The following FAR2 variants were observed in gnomAD, a reference collection of about 807,000 sequenced individuals.
FAR2 encodes the protein fatty acyl-CoA reductase 2.
In FAR2, 19 loss-of-function variants were observed where a neutral mutation model predicts 56.0. That is an observed-to-expected ratio of 0.34 (90% CI 0.24 to 0.50). FAR2 has a LOEUF of 0.50. Among genes scored for constraint, FAR2 ranks in the 20% least tolerant of loss-of-function variants. FAR2 has a pLI of 0.98. For synonymous variants in FAR2, 219 were observed against 218.8 expected, an observed-to-expected ratio of 1.00 and a Z score of -0.01; for missense variants, 508 against 642.2, an observed-to-expected ratio of 0.79 and a Z score of 2.26.
intron 1 of FAR2, among the ~76,000 whole-genome samples, chr12:29,172,359 T>G (rs551694406): frequency 6.6e-6 from 1 of 152,332 alleles, no homozygotes; most frequent in Non-Finnish European, 1.5e-5. Flanking sequence ...ATTTTCGACA[T>G]TAAAGTTTAC....
rs1371624458 is a variant in FAR2 at position 29,243,691 on chromosome 12, G to A, written c.-38-26721G>A. Among the ~76,000 whole-genome samples, 10 of 152,202 alleles carry A rather than the reference G, an allele frequency of 6.6e-5. No homozygotes were observed. In the South Asian group the frequency reaches 8.3e-4, roughly 13 times the overall value. ...CGTTGGAATGGTGTAGCAGTTATAG[G>A]CCTAATACCTCTGAATTCCTTAGGA... On this transcript the variant is annotated intron_variant, in intron 1 of 11. Transcript: ENST00000536681.
At position 29,253,280 on chromosome 12, in the gene FAR2, G is replaced by T. The variant is rs61917160; in HGVS notation, c.-38-17132G>T. ...CTATCTAGATAGATATCTATATATC[G>T]ATATCTATATCTATCTAGATAGATA... On this transcript the variant is annotated intron_variant, in intron 1 of 11. Coordinates refer to ENST00000536681, the MANE Select transcript of FAR2 (RefSeq NM_001271783.2). 5.6e-4 allele frequency among the ~76,000 whole-genome samples: 45 copies of T among 80,522 alleles called. 3 individuals are homozygous for T. Among genetic ancestry groups the T allele is most frequent in the South Asian group, 1.2e-3 (3 of 2,580 alleles). 52.8% of individuals were successfully genotyped at this position (80,522 alleles called of 152,430 possible).
chr12:29,231,810 A>G (rs964470569), intron 1 of FAR2, among the ~76,000 whole-genome samples: 1 of 152,164 alleles, frequency 6.6e-6, no homozygotes, highest in African/African-American at 2.4e-5. Context: ...ACCATGCACT[A>G]TGGACATCCT....
At chr12:29,222,254 C>G (rs10843347) in intron 1 of FAR2, among the ~76,000 whole-genome samples, 61,047 of 152,062 alleles carry the variant, frequency 0.4, 13,868 homozygotes, top group Admixed American at 0.54. Context: ...GAACTTGTCC[C>G]CATTGCCTTG....
intron 4 of FAR2, among the ~76,000 whole-genome samples, chr12:29,299,655 T>C (rs1949128572): frequency 1.3e-5 from 2 of 152,212 alleles, no homozygotes; most frequent in Non-Finnish European, 2.9e-5. Flanking sequence ...AAGTCATACT[T>C]ATTATTTGCT....
chr12:29,294,965 T>C (rs1484387339), intron 3 of FAR2, among the ~76,000 whole-genome samples: 1 of 152,204 alleles, frequency 6.6e-6, no homozygotes, highest in Non-Finnish European at 1.5e-5. Context: ...TTAAACTAAA[T>C]TTCAGTTTTT....
At chr12:29,291,692 T>A (rs1948970558) in intron 2 of FAR2, among the ~76,000 whole-genome samples, 1 of 152,224 alleles carries the variant, frequency 6.6e-6, no homozygotes, top group Non-Finnish European at 1.5e-5. Context: ...TGGACAGCGT[T>A]ATGAAAAGAC....
intron 1 of FAR2, among the ~76,000 whole-genome samples, chr12:29,247,412 A>G (rs1220409559): frequency 1.3e-5 from 2 of 152,174 alleles, no homozygotes; most frequent in Admixed American, 6.5e-5. Flanking sequence ...CTAGGCCACT[A>G]TCATCTTTTG....
At chr12:29,215,044 G>A (rs1298310133) in intron 1 of FAR2, among the ~76,000 whole-genome samples, 6 of 152,030 alleles carry the variant, frequency 3.9e-5, no homozygotes, top group Admixed American at 2.6e-4. Context: ...AAAGAAGAGC[G>A]AAGGCAAAAT....
intron 1 of FAR2, among the ~76,000 whole-genome samples, chr12:29,231,862 C>T (rs772469312): frequency 6.6e-6 from 1 of 152,198 alleles, no homozygotes; most frequent in African/African-American, 2.4e-5. Flanking sequence ...ACAATCCTCA[C>T]CATCAAGAAT....
intron 1 of FAR2, among the ~76,000 whole-genome samples, chr12:29,209,635 G>A (rs1162648509): frequency 1.3e-5 from 2 of 151,776 alleles, no homozygotes; most frequent in East Asian, 1.9e-4. Flanking sequence ...TTGCTTCCTT[G>A]CCACTAGTTT....
intron 1 of FAR2, among the ~76,000 whole-genome samples, chr12:29,176,458 A>T (rs775163110): frequency 6.6e-5 from 10 of 150,502 alleles, no homozygotes; most frequent in East Asian, 1.9e-4. Flanking sequence ...TTTAGTTTGC[A>T]TTTTTTTTTC....
rs1041374365 is a variant in FAR2 at position 29,230,243 on chromosome 12, A to G, written c.-38-40169A>G. 5.3e-5 allele frequency among the ~76,000 whole-genome samples: 8 copies of G among 152,192 alleles called. No individual in the cohort carries two copies. In the East Asian group the frequency reaches 7.7e-4, roughly 15 times the overall value. On this transcript the variant is annotated intron_variant, in intron 1 of 11. Coordinates refer to ENST00000536681, the MANE Select transcript of FAR2 (RefSeq NM_001271783.2). ...AAGGATGAGCTAAACAGGAGTCCAG[A>G]GTGTGCAGGTGAGGTGGGTATTACA...
intron 8 of FAR2, among the ~76,000 whole-genome samples, chr12:29,312,338 T>G (rs535378118): frequency 1.3e-5 from 2 of 152,294 alleles, no homozygotes; most frequent in East Asian, 3.9e-4. Flanking sequence ...TGCGACATCA[T>G]CAATGACCAA....
At chr12:29,158,644 A>G (rs751695790) in intron 1 of FAR2, among the ~76,000 whole-genome samples, 3 of 152,370 alleles carry the variant, frequency 2.0e-5, no homozygotes, top group Middle Eastern at 6.8e-3. Flanking sequence ...TTAGGACAGA[A>G]CAAACTTTTC....
At chr12:29,325,914 A>G (rs1195955144) in intron 10 of FAR2, among the ~76,000 whole-genome samples, 3 of 152,238 alleles carry the variant, frequency 2.0e-5, no homozygotes, top group Admixed American at 6.5e-5. Context: ...GCAGAACTGA[A>G]GGAAATAGAG....
chr12:29,167,658 A>G (rs1185705809), intron 1 of FAR2, among the ~76,000 whole-genome samples: 1 of 152,214 alleles, frequency 6.6e-6, no homozygotes, highest in Non-Finnish European at 1.5e-5. Flanking sequence ...ACCCAGAGGT[A>G]CTTTACATTA....
At chr12:29,326,937 C>A (rs1949658310) in intron 10 of FAR2, among the ~76,000 whole-genome samples, 1 of 152,024 alleles carries the variant, frequency 6.6e-6, no homozygotes, top group African/African-American at 2.4e-5. Context: ...AAAGGGCATT[C>A]AATTAGGAAA....
intron 1 of FAR2, among the ~76,000 whole-genome samples, chr12:29,231,647 A>G (rs1435311158): frequency 1.3e-5 from 2 of 152,240 alleles, no homozygotes; most frequent in Non-Finnish European, 2.9e-5. Flanking sequence ...TAGCTCTCTG[A>G]GAAGACTGGA....
Sources: gnomAD v4.1 joint callset for allele counts (sites outside exome capture counted in the v4.1 genomes callset) on GRCh38, gnomAD v4.1.1 for gene constraint, MANE v1.5 for transcripts, NCBI Gene and HGNC (gene_info 2026-07-23, HGNC 2026-07-21) for gene names.